SNTG1: variants seen among roughly 807,000 people sequenced by gnomAD.
SNTG1 encodes the protein syntrophin gamma 1.
A neutral mutation model predicts 74.7 loss-of-function variants in SNTG1; 39 were observed. That is an observed-to-expected ratio of 0.52 (90% CI 0.40 to 0.68). The LOEUF is 0.68. Ranked by LOEUF, SNTG1 falls within the 30% of genes least tolerant of loss-of-function variation. The pLI, the probability that SNTG1 is intolerant of heterozygous loss-of-function variation, is 0.00. For missense variants in SNTG1, 685 were observed against 609.5 expected (o/e 1.12, Z -1.30); for synonymous variants, 254 against 217.1 (o/e 1.17, Z -1.49).
intron 1 of SNTG1, among the ~76,000 whole-genome samples, chr8:49,941,339 A>G (rs938968321): frequency 7.2e-5 from 11 of 152,060 alleles, no homozygotes; most frequent in African/African-American, 2.7e-4. Flanking sequence ...GAACTCCTAC[A>G]CCTTTAAGGC....
At chr8:50,170,606 A>G (rs1043541717) in intron 1 of SNTG1, among the ~76,000 whole-genome samples, 1 of 152,222 alleles carries the variant, frequency 6.6e-6, no homozygotes, top group African/African-American at 2.4e-5. Flanking sequence ...GTCATTTAAA[A>G]TAGTACTCTT....
At chr8:49,948,876 T>G (rs546614279) in intron 1 of SNTG1, among the ~76,000 whole-genome samples, 57 of 152,206 alleles carry the variant, frequency 3.7e-4, no homozygotes, top group Non-Finnish European at 7.1e-4. Context: ...GCCCCCGGGC[T>G]CACGGCATGG....
At chr8:49,922,399 C>A (rs1806631531) in intron 1 of SNTG1, among the ~76,000 whole-genome samples, 1 of 152,058 alleles carries the variant, frequency 6.6e-6, no homozygotes, top group African/African-American at 2.4e-5. Context: ...TCCTCAGTAA[C>A]CCAAAAGAAT....
At chr8:50,174,938 A>G (rs1026649965) in intron 2 of SNTG1, among the ~76,000 whole-genome samples, 1 of 133,948 alleles carries the variant, frequency 7.5e-6, no homozygotes, top group Non-Finnish European at 1.5e-5. Flanking sequence ...TTCAGTTTCC[A>G]CCTATGAGTG....
chr8:50,285,578 G>A lies in SNTG1; in HGVS notation c.-27-108634G>A, dbSNP rs189923464. On this transcript the variant is annotated intron_variant, in intron 2 of 18. Transcript: ENST00000642720. ...TTTGAAAGTAAGCTGCATATATCAT[G>A]CACCAACCTCTCTCATCTCATTATT... is the stretch of plus-strand genomic sequence containing the variant. Among the ~76,000 whole-genome samples, 554 of 152,106 alleles carry A rather than the reference G, an allele frequency of 3.6e-3. 3 individuals carry two copies. The highest frequency in any genetic ancestry group is 6.8e-3 in the Middle Eastern group (2 of 294).
chr8:50,420,785 GGGAGGCTGAGGCGGGT>G (rs200023256), intron 4 of SNTG1, among the ~76,000 whole-genome samples: 6,815 of 152,016 alleles, frequency 0.045, 198 homozygotes, highest in Middle Eastern at 0.095. Flanking sequence ...CCAGCACTTT[GGGAGGCTGAGGCGGGT>G]GGATCATGAG....
At chr8:50,480,897 T>A (rs955727157) in intron 8 of SNTG1, among the ~76,000 whole-genome samples, 19 of 152,170 alleles carry the variant, frequency 1.2e-4, no homozygotes, top group Non-Finnish European at 2.2e-4. Context: ...GTAGCTCAAA[T>A]AGAAGACTCA....
chr8:49,987,789 C>T (rs992897311), intron 1 of SNTG1, among the ~76,000 whole-genome samples: 1 of 151,740 alleles, frequency 6.6e-6, no homozygotes, highest in African/African-American at 2.4e-5. Context: ...GCTGGGACTA[C>T]AGGCGCCCGC....
intron 4 of SNTG1, among the ~76,000 whole-genome samples, chr8:50,421,051 G>GTT (rs1563362890): frequency 4.3e-5 from 1 of 23,148 alleles, no homozygotes; most frequent in Non-Finnish European, 8.5e-5. Flanking sequence ...GTGGGCGGGG[G>GTT]AGGGGGGGGC....
chr8:50,219,847 G>T (rs1224335446), intron 2 of SNTG1, among the ~76,000 whole-genome samples: 1 of 152,104 alleles, frequency 6.6e-6, no homozygotes, highest in Non-Finnish European at 1.5e-5. Context: ...TGGAATAACA[G>T]ATTTTAAAAG....
At chr8:50,164,606 T>C (rs1369150660) in intron 1 of SNTG1, among the ~76,000 whole-genome samples, 1 of 152,256 alleles carries the variant, frequency 6.6e-6, no homozygotes, top group East Asian at 1.9e-4. Context: ...CATGTCATAA[T>C]ATAAATTTCA....
At chr8:50,184,743 T>G (rs2131736715) in intron 2 of SNTG1, among the ~76,000 whole-genome samples, 1 of 152,300 alleles carries the variant, frequency 6.6e-6, no homozygotes, top group African/African-American at 2.4e-5. Context: ...TTCAGATTCC[T>G]TTTTAATGGT....
At chr8:50,435,582 G>A (rs1345595323) in intron 4 of SNTG1, among the ~76,000 whole-genome samples, 3 of 152,128 alleles carry the variant, frequency 2.0e-5, no homozygotes, top group Admixed American at 2.0e-4. Context: ...GCCACACCAA[G>A]AACAGTTATT....
chr8:50,735,537 A>G (rs1322686893), intron 17 of SNTG1, among the ~76,000 whole-genome samples: 2 of 151,930 alleles, frequency 1.3e-5, no homozygotes, highest in Non-Finnish European at 2.9e-5. Flanking sequence ...TTGAAGATCA[A>G]CTTAATGAAA....
chr8:50,216,792 T>C (rs906529892), intron 2 of SNTG1, among the ~76,000 whole-genome samples: 2 of 152,086 alleles, frequency 1.3e-5, no homozygotes, highest in African/African-American at 4.8e-5. Flanking sequence ...TGTCAACAAT[T>C]GCCCAAAAAG....
intron 5 of SNTG1, among the ~76,000 whole-genome samples, chr8:50,440,340 TA>T (rs2093346982): frequency 6.6e-6 from 1 of 152,028 alleles, no homozygotes; most frequent in Non-Finnish European, 1.5e-5. Flanking sequence ...TTCTCATACT[TA>T]CCTCTGAACT....
intron 1 of SNTG1, among the ~76,000 whole-genome samples, chr8:49,981,907 G>A (rs537318777): frequency 1.7e-4 from 26 of 152,130 alleles, no homozygotes; most frequent in East Asian, 7.7e-4. Flanking sequence ...GTTAAATGAT[G>A]TCTTTAGAAT....
At chr8:50,336,542 A>G (rs1327562904) in intron 2 of SNTG1, among the ~76,000 whole-genome samples, 2 of 152,168 alleles carry the variant, frequency 1.3e-5, no homozygotes, top group African/African-American at 2.4e-5. Flanking sequence ...ATTTATTTAC[A>G]TGCTGCATAT....
chr8:50,260,796 C>G (rs1586878433), intron 2 of SNTG1, among the ~76,000 whole-genome samples: 1 of 147,032 alleles, frequency 6.8e-6, no homozygotes, highest in South Asian at 2.2e-4. Flanking sequence ...AAAAGTATTG[C>G]AAAAGAATGA....
Sources: allele counts gnomAD v4.1 joint callset (sites outside exome capture counted in the v4.1 genomes callset), GRCh38; gene constraint gnomAD v4.1.1; transcripts MANE v1.5; gene names NCBI Gene and HGNC (gene_info 2026-07-23, HGNC 2026-07-21).